SPOCK1: variants seen among roughly 807,000 people sequenced by gnomAD.
SPOCK1 encodes SPARC (osteonectin), cwcv and kazal like domains proteoglycan 1.
A neutral mutation model predicts 55.3 loss-of-function variants in SPOCK1; 23 were observed. That is an observed-to-expected ratio of 0.42 (90% confidence interval 0.30 to 0.59). The LOEUF (loss-of-function observed/expected upper bound fraction) is 0.59. Among genes scored for constraint, SPOCK1 ranks in the 20% least tolerant of loss-of-function variants. The pLI is 0.22. For synonymous variants in SPOCK1, 226 were observed against 221.0 expected (o/e 1.02, Z -0.20); for missense variants, 499 against 552.5 (o/e 0.90, Z 0.97).
At chr5:136,980,181 C>CAA (rs11288318) in intron 9 of SPOCK1, among the ~76,000 whole-genome samples, 3,458 of 134,392 alleles carry the variant, frequency 0.026, 89 homozygotes, top group African/African-American at 0.068. Flanking sequence ...TGTTTGCAGG[C>CAA]AAAAAAAAAA....
At chr5:137,323,901 G>A (rs908004548) in intron 2 of SPOCK1, among the ~76,000 whole-genome samples, 9 of 151,706 alleles carry the variant, frequency 5.9e-5, no homozygotes, top group South Asian at 2.1e-4. Context: ...CAGCCATTAC[G>A]GAAAACAGCA....
At chr5:137,214,445 T>G (rs1167110231) in intron 3 of SPOCK1, among the ~76,000 whole-genome samples, 1 of 152,234 alleles carries the variant, frequency 6.6e-6, no homozygotes, top group Non-Finnish European at 1.5e-5. Context: ...CAGAAGCATG[T>G]GGCTCCATCA....
intron 2 of SPOCK1, among the ~76,000 whole-genome samples, chr5:137,297,099 CTTT>C (rs957380347): frequency 6.6e-6 from 1 of 152,006 alleles, no homozygotes; most frequent in African/African-American, 2.4e-5. Flanking sequence ...TTCTTTTTGC[CTTT>C]TCTTGAAGTT....
intron 6 of SPOCK1, among the ~76,000 whole-genome samples, chr5:137,056,435 A>G (rs1752301744): frequency 6.6e-6 from 1 of 152,014 alleles, no homozygotes; most frequent in African/African-American, 2.4e-5. Context: ...ACTGTCCTGG[A>G]GTGCAAAAAC....
intron 2 of SPOCK1, among the ~76,000 whole-genome samples, chr5:137,460,193 G>A (rs773060691): frequency 6.6e-6 from 1 of 152,184 alleles, no homozygotes; most frequent in Non-Finnish European, 1.5e-5. Flanking sequence ...CAGTGGGATG[G>A]TCAGAGTGGT....
intron 3 of SPOCK1, among the ~76,000 whole-genome samples, chr5:137,254,585 T>G (rs922533357): frequency 6.6e-6 from 1 of 152,206 alleles, no homozygotes; most frequent in Non-Finnish European, 1.5e-5. Context: ...GAGAAACATA[T>G]GTAAATATGT....
intron 3 of SPOCK1, among the ~76,000 whole-genome samples, chr5:137,222,577 T>C (rs1303781814): frequency 6.6e-6 from 1 of 152,328 alleles, no homozygotes; most frequent in African/African-American, 2.4e-5. Context: ...TGTCAAGTGG[T>C]TAGCCAACAT....
At chr5:137,317,931 G>A (rs1757911157) in intron 2 of SPOCK1, among the ~76,000 whole-genome samples, 2 of 152,166 alleles carry the variant, frequency 1.3e-5, no homozygotes, top group South Asian at 4.2e-4. Context: ...ATTTTTGTAA[G>A]CTGTACCCAG....
intron 3 of SPOCK1, among the ~76,000 whole-genome samples, chr5:137,184,494 T>TAAAGACCA (rs1200937777): frequency 1.3e-5 from 2 of 152,220 alleles, no homozygotes; most frequent in South Asian, 4.2e-4. Flanking sequence ...TGGGAGAAGG[T>TAAAGACCA]AAAGACCACC....
chr5:137,012,451 T>A (rs1026621008), intron 6 of SPOCK1, among the ~76,000 whole-genome samples: 2 of 152,166 alleles, frequency 1.3e-5, no homozygotes, highest in African/African-American at 4.8e-5. Context: ...ACACATGCAA[T>A]TCCAAGTGAT....
chr5:137,014,863 A>G (rs1751421434), intron 6 of SPOCK1, among the ~76,000 whole-genome samples: 1 of 152,204 alleles, frequency 6.6e-6, no homozygotes, highest in African/African-American at 2.4e-5. Context: ...GAAACCACCC[A>G]TTTATCTGAC....
intron 4 of SPOCK1, among the ~76,000 whole-genome samples, chr5:137,131,989 A>ATATATATAT (rs1554099249): frequency 5.5e-5 from 2 of 36,056 alleles, no homozygotes; most frequent in Non-Finnish European, 8.5e-5. Flanking sequence ...AAAAAAAAAA[A>ATATATATAT]ATATATATAT....
chr5:137,211,616 T>C (rs536835432), intron 3 of SPOCK1, among the ~76,000 whole-genome samples: 5 of 152,214 alleles, frequency 3.3e-5, no homozygotes, highest in African/African-American at 1.2e-4. Flanking sequence ...GGCCCCAAGA[T>C]AGCTTCAAGA....
chr5:137,380,399 G>A (rs944721082), intron 2 of SPOCK1, among the ~76,000 whole-genome samples: 3 of 152,346 alleles, frequency 2.0e-5, no homozygotes, highest in African/African-American at 7.2e-5. Context: ...TCTAATGTAT[G>A]AGTGTGAGCT....
At chr5:137,405,079 T>C (rs1752068814) in intron 2 of SPOCK1, among the ~76,000 whole-genome samples, 2 of 152,132 alleles carry the variant, frequency 1.3e-5, no homozygotes, top group Admixed American at 1.3e-4. Context: ...ATGCACGAAG[T>C]CTTTGGTCAC....
chr5:137,085,391 A>C (rs770898511), intron 5 of SPOCK1, among the ~76,000 whole-genome samples: 2 of 152,210 alleles, frequency 1.3e-5, no homozygotes, highest in Non-Finnish European at 2.9e-5. Flanking sequence ...CATTTCCCCA[A>C]GCAGCAGCTC....
chr5:136,996,569 A>C (rs980500347), intron 6 of SPOCK1, among the ~76,000 whole-genome samples: 1 of 151,974 alleles, frequency 6.6e-6, no homozygotes, highest in Non-Finnish European at 1.5e-5. Flanking sequence ...TTGTGCTCCC[A>C]GTTTTCTTCT....
intron 6 of SPOCK1, among the ~76,000 whole-genome samples, chr5:137,032,546 G>C (rs551899863): frequency 6.0e-4 from 92 of 152,290 alleles, no homozygotes; most frequent in Admixed American, 1.2e-3. Flanking sequence ...AAAAAGGCAC[G>C]AGGTAGCGTA....
intron 3 of SPOCK1, among the ~76,000 whole-genome samples, chr5:137,262,365 C>T (rs1410731028): frequency 1.3e-5 from 2 of 152,196 alleles, no homozygotes; most frequent in Non-Finnish European, 2.9e-5. Context: ...ACCAAAGGCA[C>T]AGACTGCATA....
Sources: gnomAD v4.1 joint callset for allele counts (sites outside exome capture counted in the v4.1 genomes callset) on GRCh38, gnomAD v4.1.1 for gene constraint, MANE v1.5 for transcripts, NCBI Gene and HGNC (gene_info 2026-07-23, HGNC 2026-07-21) for gene names.